Variants in XIRP2 observed in about 807,000 individuals in gnomAD.
XIRP2 encodes xin actin binding repeat containing 2.
Under a neutral mutation model 277.0 loss-of-function variants are expected in XIRP2, and 236 were observed. The ratio of observed to expected loss-of-function variants is 0.85; its 90% CI spans 0.77 to 0.95. XIRP2 has a LOEUF of 0.95. Among genes scored for constraint, XIRP2 ranks in the 40% least tolerant of loss-of-function variants. The pLI is 0.00. For missense variants in XIRP2, 4,640 were observed against 4,157.5 expected, an observed-to-expected ratio of 1.12 and a Z score of -3.19; for synonymous variants, 1,490 against 1,416.5, an observed-to-expected ratio of 1.05 and a Z score of -1.17.
intron 3 of XIRP2, among the ~76,000 whole-genome samples, chr2:167,146,903 T>G (rs780417283): frequency 2.0e-5 from 3 of 152,118 alleles, no homozygotes; most frequent in Non-Finnish European, 2.9e-5. Context: ...GTTTGAAAAT[T>G]GACAACTGAT....
intron 5 of XIRP2, among the ~76,000 whole-genome samples, chr2:167,228,364 G>C (rs1422238781): frequency 6.6e-6 from 1 of 152,152 alleles, no homozygotes; most frequent in Non-Finnish European, 1.5e-5. Flanking sequence ...AATGCGTAGA[G>C]GGATTGACTC....
chr2:167,059,176 G>A (rs534426540), intron 2 of XIRP2, among the ~76,000 whole-genome samples: 2 of 136,206 alleles, frequency 1.5e-5, no homozygotes, highest in East Asian at 2.2e-4. Flanking sequence ...GTGTGATCTT[G>A]GCTCACTGCA....
At chr2:167,095,905 G>A (rs181249068) in intron 2 of XIRP2, among the ~76,000 whole-genome samples, 3,028 of 109,824 alleles carry the variant, frequency 0.028, 55 homozygotes, top group Non-Finnish European at 0.037. Context: ...AAGGAGTCTC[G>A]CTCTGTTGCC....
intron 2 of XIRP2, among the ~76,000 whole-genome samples, chr2:166,912,120 C>A (rs1459691624): frequency 6.6e-6 from 1 of 152,058 alleles, no homozygotes; most frequent in Admixed American, 6.6e-5. Flanking sequence ...ATCTTTGTGG[C>A]ATTCTCTGTA....
intron 2 of XIRP2, among the ~76,000 whole-genome samples, chr2:167,052,149 A>T (rs1041544759): frequency 6.6e-6 from 1 of 152,108 alleles, no homozygotes; most frequent in African/African-American, 2.4e-5. Context: ...ATTACAGTAC[A>T]ATGTAAGTTA....
intron 3 of XIRP2, among the ~76,000 whole-genome samples, chr2:167,176,352 A>G (rs1189681554): frequency 1.3e-5 from 2 of 151,982 alleles, no homozygotes; most frequent in Non-Finnish European, 2.9e-5. Context: ...ACCAGTCCCA[A>G]TGAGATGAGA....
At chr2:166,915,995 G>GA (rs1410994142) in intron 2 of XIRP2, among the ~76,000 whole-genome samples, 22 of 152,124 alleles carry the variant, frequency 1.4e-4, no homozygotes, top group African/African-American at 5.3e-4. Context: ...GAGGCATGGA[G>GA]AAAACCATGA....
At chr2:166,935,342 A>C (rs188740758) in intron 2 of XIRP2, among the ~76,000 whole-genome samples, 74 of 152,340 alleles carry the variant, frequency 4.9e-4, no homozygotes, top group African/African-American at 1.4e-3. Flanking sequence ...CCAGTAGATA[A>C]ATTTGAGATA....
At position 167,242,770 on chromosome 2, in the gene XIRP2, C is replaced by G. The variant is rs777490309; in HGVS notation, c.1378C>G (p.Leu460Val). Residue 460 changes from leucine (L) to valine (V), a missense_variant, in exon 9 of 11, where the codon CTT becomes GTT. By Grantham distance (32) the Leu-to-Val change is conservative. Transcript: ENST00000409195. ...ATTTCCTCCTCCCCCACCTGACGTA[C>G]TTCAAACTTCAGTAGATGTGACAGC... ...EEFPPPPPDV[L>V]QTSVDVTAFS... 1 of 1,614,070 alleles carries G rather than the reference C, an allele frequency of 6.2e-7. No individual in the cohort carries two copies. The highest frequency in any genetic ancestry group is 8.5e-7 in the Non-Finnish European group (1 of 1,179,922).
intron 2 of XIRP2, among the ~76,000 whole-genome samples, chr2:167,037,453 A>G (rs988646446): frequency 2.0e-5 from 3 of 151,520 alleles, no homozygotes; most frequent in Non-Finnish European, 4.4e-5. Flanking sequence ...CACCAAGCCT[A>G]TCTCTGTAGT....
chr2:166,957,142 T>C (rs1230748005), intron 2 of XIRP2, among the ~76,000 whole-genome samples: 1 of 151,740 alleles, frequency 6.6e-6, no homozygotes, highest in African/African-American at 2.4e-5. Context: ...TCATTTGTTG[T>C]TGATTTTTCT....
chr2:167,232,287 G>C (rs1001043641), intron 5 of XIRP2, among the ~76,000 whole-genome samples: 3 of 151,880 alleles, frequency 2.0e-5, no homozygotes, highest in Non-Finnish European at 4.4e-5. Flanking sequence ...TAAATAAATT[G>C]GATAGGTGAT....
At chr2:166,896,954 G>A (rs1032713412) in intron 1 of XIRP2, among the ~76,000 whole-genome samples, 2 of 152,146 alleles carry the variant, frequency 1.3e-5, no homozygotes, top group South Asian at 2.1e-4. Context: ...ATAACATGCT[G>A]TACAGCTGTT....
intron 2 of XIRP2, among the ~76,000 whole-genome samples, chr2:167,071,121 T>C (rs1264416753): frequency 2.0e-5 from 3 of 152,186 alleles, no homozygotes; most frequent in Non-Finnish European, 2.9e-5. Context: ...TTAAGGGTTA[T>C]TAGCACTCTC....
intron 2 of XIRP2, among the ~76,000 whole-genome samples, chr2:166,920,187 G>A (rs767185678): frequency 4.6e-5 from 7 of 152,104 alleles, no homozygotes; most frequent in Non-Finnish European, 8.8e-5. Context: ...CCTCATGAGC[G>A]CTGCCCTCAT....
chr2:167,184,709 T>TA (rs563297544), intron 3 of XIRP2: 1 of 689,426 alleles, frequency 1.5e-6, no homozygotes, highest in South Asian at 1.6e-5. Context: ...TCTGATGCCT[T>TA]ACATATATTA....
At chr2:166,902,092 C>G (rs954205505) in intron 1 of XIRP2, among the ~76,000 whole-genome samples, 1 of 152,040 alleles carries the variant, frequency 6.6e-6, no homozygotes, top group Non-Finnish European at 1.5e-5. Context: ...GAAGATTTTT[C>G]AAGGTCACAC....
At chr2:167,196,613 G>A (rs1460618924) in intron 3 of XIRP2, among the ~76,000 whole-genome samples, 1 of 152,076 alleles carries the variant, frequency 6.6e-6, no homozygotes. Context: ...CTAGTGTCAG[G>A]ATTAGCGAGG....
rs2105437162 is a variant in XIRP2 at position 167,244,935 on chromosome 2, A to T, written c.3543A>T (p.Glu1181Asp). 2 of 1,612,582 alleles carry T rather than the reference A, an allele frequency of 1.2e-6. No homozygotes were observed. Among genetic ancestry groups the T allele is most frequent in the East Asian group, 4.5e-5 (2 of 44,818 alleles). Reference protein sequence around the residue: ...TENLDSIQGEEVKEIKPVEMD... With the variant: ...TENLDSIQGEDVKEIKPVEMD... ...ATTTGGACAGCATACAAGGAGAAGA[A>T]GTGAAGGAAATCAAGCCTGTTGAAA... The change falls in exon 9 of 11, where the codon GAA (glutamate) becomes GAT (aspartate). Residue 1181 changes from glutamate (E) to aspartate (D), a missense_variant. Transcript: ENST00000409195.
Sources: gnomAD v4.1 joint callset for allele counts (sites outside exome capture counted in the v4.1 genomes callset) on GRCh38, gnomAD v4.1.1 for gene constraint, MANE v1.5 for transcripts, NCBI Gene and HGNC (gene_info 2026-07-23, HGNC 2026-07-21) for gene names.